KCNAB1: variants seen among roughly 807,000 people sequenced by gnomAD.
KCNAB1 encodes potassium voltage-gated channel subfamily A regulatory beta subunit 1.
KCNAB1 carries 35 observed loss-of-function variants against 64.6 expected under a neutral mutation model. The observed-to-expected ratio is 0.54, with a 90% confidence interval of 0.41 to 0.72. KCNAB1 has a LOEUF of 0.72. Among genes scored for constraint, KCNAB1 ranks in the 30% least tolerant of loss-of-function variants. The pLI is 0.00. For missense variants in KCNAB1, 401 were observed against 512.9 expected, an observed-to-expected ratio of 0.78 and a Z score of 2.11; for synonymous variants, 177 against 183.8, an observed-to-expected ratio of 0.96 and a Z score of 0.30.
intron 8 of KCNAB1, among the ~76,000 whole-genome samples, chr3:156,491,531 A>C (rs1204384214): frequency 6.6e-6 from 1 of 152,182 alleles, no homozygotes; most frequent in East Asian, 1.9e-4. Flanking sequence ...TCAGCCATGG[A>C]TATTAAATAC....
At chr3:156,169,391 G>A (rs1220712432) in intron 1 of KCNAB1, among the ~76,000 whole-genome samples, 2 of 152,192 alleles carry the variant, frequency 1.3e-5, no homozygotes, top group African/African-American at 2.4e-5. Context: ...ATATTCAACA[G>A]TGATGTTTGG....
chr3:156,226,206 T>G (rs1716150703), intron 1 of KCNAB1, among the ~76,000 whole-genome samples: 1 of 152,174 alleles, frequency 6.6e-6, no homozygotes, highest in South Asian at 2.1e-4. Context: ...ATTATACTGG[T>G]ATAAAAATTG....
chr3:156,297,888 T>G (rs1720905902), intron 1 of KCNAB1, among the ~76,000 whole-genome samples: 1 of 152,112 alleles, frequency 6.6e-6, no homozygotes, highest in South Asian at 2.1e-4. Flanking sequence ...TGGCTGTGTT[T>G]CAAACAGAAA....
chr3:156,342,832 A>G (rs138914101), intron 1 of KCNAB1, among the ~76,000 whole-genome samples: 3 of 151,872 alleles, frequency 2.0e-5, no homozygotes, highest in Admixed American at 1.3e-4. Context: ...TCAAGAGGGA[A>G]GTCCAATGGG....
intron 1 of KCNAB1, among the ~76,000 whole-genome samples, chr3:156,155,684 G>A (rs1389541616): frequency 6.6e-6 from 1 of 152,140 alleles, no homozygotes; most frequent in Non-Finnish European, 1.5e-5. Context: ...GTGAATGAAT[G>A]GTAGAATAGT....
At chr3:156,255,352 G>A (rs758577386) in intron 1 of KCNAB1, among the ~76,000 whole-genome samples, 3 of 152,180 alleles carry the variant, frequency 2.0e-5, no homozygotes, top group Non-Finnish European at 4.4e-5. Flanking sequence ...GAAGCAAATT[G>A]GGCACAGACT....
Position 156,507,491 on chromosome 3 carries a change from A to G in KCNAB1, c.659-6873A>G, listed in dbSNP as rs74679221. Among the ~76,000 whole-genome samples, 395 of 152,342 alleles carry G rather than the reference A, an allele frequency of 2.6e-3. 8 individuals carry two copies. The East Asian group carries it at 0.035, about 14-fold the overall frequency. On this transcript the variant is annotated intron_variant, in intron 8 of 13. Coordinates refer to ENST00000490337, the MANE Select transcript of KCNAB1 (RefSeq NM_172160.3). The stretch of plus-strand genomic sequence containing the variant: ...GGATGACATCATTTCATTTATGATT[A>G]TAAGTTTCCAGTCCTCTGAAGAATG...
chr3:156,159,072 C>A (rs1388908581), intron 1 of KCNAB1, among the ~76,000 whole-genome samples: 1 of 149,020 alleles, frequency 6.7e-6, no homozygotes, highest in East Asian at 1.9e-4. Flanking sequence ...CATATGTCCG[C>A]CCCCCCCTGT....
intron 1 of KCNAB1, among the ~76,000 whole-genome samples, chr3:156,186,079 T>C (rs1320646507): frequency 2.6e-5 from 4 of 152,186 alleles, no homozygotes; most frequent in Admixed American, 1.3e-4. Flanking sequence ...AAAATCTCAC[T>C]TTGCCAATCA....
chr3:156,233,626 G>A (rs901630595), intron 1 of KCNAB1, among the ~76,000 whole-genome samples: 3 of 152,164 alleles, frequency 2.0e-5, no homozygotes, highest in African/African-American at 7.2e-5. Flanking sequence ...ATGAGGACCA[G>A]CAAGGGCAAA....
chr3:156,434,539 T>A (rs544459759), intron 2 of KCNAB1, among the ~76,000 whole-genome samples: 1 of 152,010 alleles, frequency 6.6e-6, no homozygotes, highest in South Asian at 2.1e-4. Context: ...GAAAAAGATC[T>A]CTAATATAGG....
chr3:156,471,250 A>G (rs899606395), intron 7 of KCNAB1, among the ~76,000 whole-genome samples: 2 of 152,210 alleles, frequency 1.3e-5, no homozygotes, highest in African/African-American at 2.4e-5. Context: ...TGGAATAAAC[A>G]TATTTCTTTA....
At chr3:156,368,657 C>T (rs1726106021) in intron 1 of KCNAB1, among the ~76,000 whole-genome samples, 1 of 152,160 alleles carries the variant, frequency 6.6e-6, no homozygotes, top group African/African-American at 2.4e-5. Context: ...ATAACTCCAA[C>T]TCTGACATTT....
chr3:156,474,991 C>T (rs189222898), intron 8 of KCNAB1, among the ~76,000 whole-genome samples, 171 bp downstream of exon 8: 2 of 152,300 alleles, frequency 1.3e-5, no homozygotes, highest in Admixed American at 6.5e-5. Context: ...AAAACCAATG[C>T]TCTGCGTGCT....
intron 1 of KCNAB1, among the ~76,000 whole-genome samples, chr3:156,341,536 G>A (rs190126075): frequency 3.3e-5 from 5 of 152,224 alleles, no homozygotes; most frequent in Admixed American, 3.3e-4. Context: ...GAGCCCAATT[G>A]GCCTCCGAGC....
In KCNAB1 at chr3:156,200,187, C is replaced by T. The variant is rs545485833; in HGVS notation, c.275+79301C>T. Among the ~76,000 whole-genome samples, 13 of 152,326 alleles carry T rather than the reference C, an allele frequency of 8.5e-5. 1 individual carries two copies. In the South Asian group the frequency reaches 2.7e-3, roughly 32 times the overall value. ...ACCAAAGATTGCTGCCTGTTCCTTCCTCTGGAAGCTTCATCCCAGAGGGGA... is the reference window on the plus strand; with the variant it reads ...ACCAAAGATTGCTGCCTGTTCCTTCTTCTGGAAGCTTCATCCCAGAGGGGA... On this transcript the variant is annotated intron_variant, in intron 1 of 13. Coordinates refer to ENST00000490337, the MANE Select transcript of KCNAB1 (RefSeq NM_172160.3).
At chr3:156,463,052 A>G (rs1387925617) in intron 5 of KCNAB1, among the ~76,000 whole-genome samples, 1 of 152,180 alleles carries the variant, frequency 6.6e-6, no homozygotes, top group African/African-American at 2.4e-5. Flanking sequence ...CTAAAATGAC[A>G]TTTCCATTTA....
intron 1 of KCNAB1, among the ~76,000 whole-genome samples, chr3:156,363,121 T>C (rs1404428197): frequency 6.6e-6 from 1 of 152,220 alleles, no homozygotes; most frequent in Non-Finnish European, 1.5e-5. Context: ...TTACATTGCC[T>C]CAGAAAAATA....
chr3:156,136,551 A>G (rs1417370027), intron 1 of KCNAB1, among the ~76,000 whole-genome samples: 1 of 152,270 alleles, frequency 6.6e-6, no homozygotes, highest in Non-Finnish European at 1.5e-5. Context: ...CCACAATACT[A>G]TCATGATCTC....
Sources: gnomAD v4.1 joint callset for allele counts (sites outside exome capture counted in the v4.1 genomes callset) on GRCh38, gnomAD v4.1.1 for gene constraint, MANE v1.5 for transcripts, NCBI Gene and HGNC (gene_info 2026-07-23, HGNC 2026-07-21) for gene names.